Variants in TSPAN5 observed in about 807,000 individuals in gnomAD.
The protein encoded by TSPAN5 is tetraspanin-5.
TSPAN5 carries 10 observed loss-of-function variants against 37.1 expected under a neutral mutation model. The ratio of observed to expected loss-of-function variants is 0.27; its 90% confidence interval spans 0.17 to 0.46. The LOEUF (loss-of-function observed/expected upper bound fraction) is 0.46. Ranked by LOEUF, TSPAN5 falls within the 20% of genes least tolerant of loss-of-function variation. The pLI is 1.00. For missense variants in TSPAN5, 195 were observed against 326.6 expected, an observed-to-expected ratio of 0.60 and a Z score of 3.11; for synonymous variants, 110 against 118.9, an observed-to-expected ratio of 0.93 and a Z score of 0.48.
At chr4:98,531,674 C>T (rs1252018211) in intron 1 of TSPAN5, among the ~76,000 whole-genome samples, 1 of 152,194 alleles carries the variant, frequency 6.6e-6, no homozygotes, top group African/African-American at 2.4e-5. Flanking sequence ...AATTTACACT[C>T]CCACCAACAG....
chr4:98,538,279 C>A (rs1012006439), intron 1 of TSPAN5, among the ~76,000 whole-genome samples: 1 of 152,246 alleles, frequency 6.6e-6, no homozygotes, highest in Non-Finnish European at 1.5e-5. Context: ...TGTGGCTGTT[C>A]TGCCTGCTCC....
chr4:98,542,539 GA>G (rs1754380947), intron 1 of TSPAN5, among the ~76,000 whole-genome samples: 1 of 151,962 alleles, frequency 6.6e-6, no homozygotes, highest in East Asian at 1.9e-4. Context: ...AAAACAGCAA[GA>G]CACCCATTCT....
chr4:98,507,038 A>G (rs1409730743), intron 2 of TSPAN5, among the ~76,000 whole-genome samples: 1 of 152,202 alleles, frequency 6.6e-6, no homozygotes, highest in Non-Finnish European at 1.5e-5. Context: ...AACTGCCCAG[A>G]ACATTGTATC....
chr4:98,629,187 A>G (rs1756686162), intron 1 of TSPAN5, among the ~76,000 whole-genome samples: 1 of 152,232 alleles, frequency 6.6e-6, no homozygotes, highest in Non-Finnish European at 1.5e-5. Flanking sequence ...TAATTTGTCT[A>G]TGAACTATTT....
chr4:98,614,932 T>C (rs1345298195), intron 1 of TSPAN5, among the ~76,000 whole-genome samples: 1 of 152,220 alleles, frequency 6.6e-6, no homozygotes, highest in Non-Finnish European at 1.5e-5. Flanking sequence ...TCCTCCCTGA[T>C]ATATACACTA....
intron 1 of TSPAN5, among the ~76,000 whole-genome samples, chr4:98,642,950 T>C (rs1756989171): frequency 6.6e-6 from 1 of 152,166 alleles, no homozygotes; most frequent in African/African-American, 2.4e-5. Context: ...GACAGTAAGC[T>C]GAGGTTAATT....
At chr4:98,543,842 C>T (rs539984730) in intron 1 of TSPAN5, among the ~76,000 whole-genome samples, 2 of 151,976 alleles carry the variant, frequency 1.3e-5, no homozygotes, top group African/African-American at 4.8e-5. Context: ...TTGATTTATC[C>T]ATCCTATACA....
intron 1 of TSPAN5, among the ~76,000 whole-genome samples, chr4:98,539,249 A>C (rs1560528923): frequency 6.6e-6 from 1 of 152,126 alleles, no homozygotes; most frequent in Non-Finnish European, 1.5e-5. Context: ...TTAGAATATC[A>C]TTTACAAATC....
chr4:98,520,873 T>C (rs1753837754), intron 1 of TSPAN5, among the ~76,000 whole-genome samples: 1 of 151,028 alleles, frequency 6.6e-6, no homozygotes, highest in African/African-American at 2.4e-5. Context: ...TCGGTACTTA[T>C]CTGGTGCCTA....
chr4:98,521,681 C>T (rs1255412694), intron 1 of TSPAN5, among the ~76,000 whole-genome samples: 1 of 152,236 alleles, frequency 6.6e-6, no homozygotes, highest in Non-Finnish European at 1.5e-5. Flanking sequence ...TGTTCTCCAG[C>T]CCCCTGGCTT....
At chr4:98,638,634 A>G (rs1475339550) in intron 1 of TSPAN5, among the ~76,000 whole-genome samples, 5 of 152,210 alleles carry the variant, frequency 3.3e-5, no homozygotes, top group Non-Finnish European at 5.9e-5. Flanking sequence ...TGGCGCTTCC[A>G]TGCCCTTTCT....
intron 1 of TSPAN5, among the ~76,000 whole-genome samples, chr4:98,616,435 T>G (rs1418364845): frequency 1.3e-5 from 2 of 151,900 alleles, no homozygotes; most frequent in Non-Finnish European, 2.9e-5. Flanking sequence ...ATCGAACAGG[T>G]CAAGGGGAAG....
At chr4:98,570,083 C>T (rs931593819) in intron 1 of TSPAN5, among the ~76,000 whole-genome samples, 5 of 152,036 alleles carry the variant, frequency 3.3e-5, no homozygotes, top group Non-Finnish European at 7.4e-5. Context: ...ACTTTTTCAG[C>T]CAAAGGAAAT....
rs187687280 is a variant in TSPAN5 at position 98,640,376 on chromosome 4, G to A, written c.81+17770C>T. On this transcript the variant is annotated intron_variant, in intron 1 of 7. Transcript: ENST00000305798. ...CTGCTATATTTCAGGTAGTTTTCTA[G>A]GCATATTTATATACATGATTTTACG... is the stretch of plus-strand genomic sequence containing the variant. Among the ~76,000 whole-genome samples, 253 of 152,216 alleles carry A rather than the reference G, an allele frequency of 1.7e-3. 1 individual carries two copies. Among genetic ancestry groups the A allele is most frequent in the African/African-American group, 5.9e-3 (245 of 41,532 alleles).
chr4:98,478,732 G>A lies in TSPAN5; in HGVS notation c.529C>T (p.Arg177Ter). 1 of 1,614,066 alleles carries A rather than the reference G, an allele frequency of 6.2e-7. No homozygotes were observed. Among genetic ancestry groups the A allele is most frequent in the Non-Finnish European group, 8.5e-7 (1 of 1,180,024 alleles). Reference protein sequence around the residue: ...YFNCTDSNASRERCGVPFSCC... With the variant: ...YFNCTDSNAS ...GAGAATGGAACGCCACATCGCTCTC[G>A]ACTTGCATTGGAATCTGTGCAATTG... is the stretch of plus-strand genomic sequence containing the variant. Residue 177 changes from arginine (R) to a stop codon, truncating the protein, a stop_gained, in exon 5 of 8, where the codon CGA becomes TGA. Transcript: ENST00000305798. LOFTEE classifies it high-confidence loss of function.
intron 5 of TSPAN5, among the ~76,000 whole-genome samples, chr4:98,477,694 ACT>A (rs1452953530): frequency 4.1e-5 from 6 of 147,552 alleles, no homozygotes; most frequent in South Asian, 2.1e-4. Flanking sequence ...TTGTGGTCTC[ACT>A]CTGTCACCAG....
intron 1 of TSPAN5, among the ~76,000 whole-genome samples, chr4:98,514,615 G>C (rs895889241): frequency 1.3e-5 from 2 of 152,172 alleles, no homozygotes; most frequent in Non-Finnish European, 1.5e-5. Flanking sequence ...TCCAGCCAGG[G>C]TCACCATCTC....
intron 1 of TSPAN5, among the ~76,000 whole-genome samples, chr4:98,641,469 T>C (rs1365674990): frequency 1.3e-5 from 2 of 152,238 alleles, no homozygotes; most frequent in African/African-American, 4.8e-5. Flanking sequence ...GGAATCCATA[T>C]GAAGCAGAAG....
At chr4:98,576,602 G>A (rs1755242115) in intron 1 of TSPAN5, among the ~76,000 whole-genome samples, 1 of 152,068 alleles carries the variant, frequency 6.6e-6, no homozygotes, top group South Asian at 2.1e-4. Context: ...TATAGTCCCA[G>A]CTACTTGGAA....
Sources: gnomAD v4.1 joint callset for allele counts (sites outside exome capture counted in the v4.1 genomes callset) on GRCh38, gnomAD v4.1.1 for gene constraint, MANE v1.5 for transcripts, NCBI Gene and HGNC (gene_info 2026-07-23, HGNC 2026-07-21) for gene names.